The following FAM13A variants were observed in gnomAD, a reference collection of about 807,000 sequenced individuals.
The protein encoded by FAM13A is family with sequence similarity 13 member A, also known as protein FAM13A.
Under a neutral mutation model 129.6 loss-of-function variants are expected in FAM13A, and 76 were observed. The ratio of observed to expected loss-of-function variants is 0.59; its 90% CI spans 0.49 to 0.71. FAM13A has a LOEUF of 0.71. Among genes scored for constraint, FAM13A ranks in the 30% least tolerant of loss-of-function variants. The pLI is 0.00. For missense variants in FAM13A, 1,108 were observed against 1,249.3 expected (o/e 0.89, Z 1.70); for synonymous variants, 443 against 449.9 (o/e 0.98, Z 0.20).
At chr4:88,838,265 C>A (rs552543128) in intron 7 of FAM13A, among the ~76,000 whole-genome samples, 1 of 152,224 alleles carries the variant, frequency 6.6e-6, no homozygotes, top group East Asian at 1.9e-4. Context: ...TGCTATTGTG[C>A]AGCAAAATAT....
chr4:88,898,272 T>C (rs1246629), intron 6 of FAM13A, among the ~76,000 whole-genome samples: 112,471 of 151,956 alleles, frequency 0.74, 41,935 homozygotes, highest in Non-Finnish European at 0.79. Context: ...TCAAATCCCA[T>C]GTTTTTTTCC....
chr4:88,867,885 AGTG>A (rs1196727099), intron 6 of FAM13A, among the ~76,000 whole-genome samples: 2 of 152,236 alleles, frequency 1.3e-5, no homozygotes, highest in Non-Finnish European at 2.9e-5. Context: ...TGAAAAGAAA[AGTG>A]GTGGCTCAAA....
intron 1 of FAM13A, among the ~76,000 whole-genome samples, chr4:89,041,656 C>A (rs1362221515): frequency 6.6e-6 from 1 of 152,074 alleles, no homozygotes. Flanking sequence ...CACGGTGGCT[C>A]ATGCCTGTAA....
At chr4:88,913,798 T>G (rs1749608789) in intron 5 of FAM13A, among the ~76,000 whole-genome samples, 1 of 152,192 alleles carries the variant, frequency 6.6e-6, no homozygotes. Context: ...TATATAATGT[T>G]GCCCAAATTT....
intron 6 of FAM13A, chr4:88,855,796 C>T (rs922259907): frequency 1.3e-5 from 2 of 151,900 alleles, no homozygotes; most frequent in Non-Finnish European, 2.9e-5. Flanking sequence ...AAATATCATG[C>T]CTCAATCTTA....
chr4:88,954,569 A>G (rs1757446802), intron 4 of FAM13A, among the ~76,000 whole-genome samples: 1 of 152,192 alleles, frequency 6.6e-6, no homozygotes, highest in Admixed American at 6.5e-5. Context: ...ATAGGAATAC[A>G]AAACAGAAAT....
intron 5 of FAM13A, among the ~76,000 whole-genome samples, chr4:88,933,846 G>C (rs1047158276): frequency 6.6e-6 from 1 of 152,118 alleles, no homozygotes; most frequent in Admixed American, 6.6e-5. Context: ...TCACAACGTA[G>C]CACTCTTCTG....
intron 3 of FAM13A, among the ~76,000 whole-genome samples, chr4:88,999,771 T>C (rs1403797159): frequency 6.6e-6 from 1 of 152,190 alleles, no homozygotes; most frequent in Non-Finnish European, 1.5e-5. Flanking sequence ...AGGTTGATTA[T>C]TTCCATGGGT....
At chr4:89,003,669 A>G (rs533775588) in intron 3 of FAM13A, among the ~76,000 whole-genome samples, 63 of 152,118 alleles carry the variant, frequency 4.1e-4, no homozygotes, top group Non-Finnish European at 9.0e-4. Flanking sequence ...GTAAAAAAAA[A>G]AAGACAAATA....
At chr4:88,823,341 C>G in intron 7 of FAM13A, 1 of 1,093,664 alleles carries the variant, frequency 9.1e-7, no homozygotes, top group East Asian at 6.5e-5. Flanking sequence ...CCCCCGCACC[C>G]TACTCCTTCT....
At chr4:88,943,928 G>A (rs1004477767) in intron 4 of FAM13A, among the ~76,000 whole-genome samples, 4 of 151,920 alleles carry the variant, frequency 2.6e-5, no homozygotes, top group African/African-American at 9.7e-5. Context: ...ACTATCCATA[G>A]TTTACAGCAA....
chr4:88,917,411 C>T (rs1750289935), intron 5 of FAM13A, among the ~76,000 whole-genome samples: 1 of 152,058 alleles, frequency 6.6e-6, no homozygotes, highest in Non-Finnish European at 1.5e-5. Context: ...CCCATTAGGT[C>T]CCACCTCCAA....
intron 5 of FAM13A, among the ~76,000 whole-genome samples, chr4:88,921,279 A>G (rs1751036457): frequency 6.6e-6 from 1 of 152,126 alleles, no homozygotes; most frequent in South Asian, 2.1e-4. Context: ...ATGAAGGAAA[A>G]AATGTTAAGG....
intron 6 of FAM13A, among the ~76,000 whole-genome samples, chr4:88,897,110 A>T (rs1746480042): frequency 6.6e-6 from 1 of 152,206 alleles, no homozygotes; most frequent in Admixed American, 6.5e-5. Flanking sequence ...GAGCCATAGC[A>T]CCTGTGTCTG....
At chr4:89,007,572 T>C (rs1166915778) in intron 3 of FAM13A, among the ~76,000 whole-genome samples, 1 of 152,192 alleles carries the variant, frequency 6.6e-6, no homozygotes, top group Non-Finnish European at 1.5e-5. Context: ...ACTTGAATTC[T>C]CGACCCACAG....
chr4:89,031,580 T>C (rs1050237788), intron 1 of FAM13A, among the ~76,000 whole-genome samples: 6 of 152,234 alleles, frequency 3.9e-5, no homozygotes, highest in African/African-American at 1.4e-4. Context: ...GGCATACTCA[T>C]TGAGTACTGA....
intron 11 of FAM13A, among the ~76,000 whole-genome samples, chr4:88,774,243 T>A (rs1314228047): frequency 6.6e-6 from 1 of 152,194 alleles, no homozygotes; most frequent in Non-Finnish European, 1.5e-5. Context: ...CCACTTTCCA[T>A]CCTCTTTACC....
intron 6 of FAM13A, among the ~76,000 whole-genome samples, chr4:88,901,915 C>A (rs1747357690): frequency 1.3e-5 from 2 of 152,192 alleles, no homozygotes; most frequent in Admixed American, 1.3e-4. Context: ...GATATTACCA[C>A]TGACCCCACA....
chr4:88,777,046 T>C (rs758857204), intron 11 of FAM13A, among the ~76,000 whole-genome samples: 2 of 152,166 alleles, frequency 1.3e-5, no homozygotes, highest in African/African-American at 2.4e-5. Context: ...AGTAGGATTA[T>C]TGGATAAAAT....
Sources: gnomAD v4.1 joint callset for allele counts (sites outside exome capture counted in the v4.1 genomes callset) on GRCh38, gnomAD v4.1.1 for gene constraint, MANE v1.5 for transcripts, NCBI Gene and HGNC (gene_info 2026-07-23, HGNC 2026-07-21) for gene names.